The following SLC25A21 variants were observed in gnomAD, a reference collection of about 807,000 sequenced individuals.
SLC25A21 encodes solute carrier family 25 member 21, also known as mitochondrial 2-oxodicarboxylate carrier.
SLC25A21 carries 47 observed loss-of-function variants against 43.8 expected under a neutral mutation model. The ratio of observed to expected loss-of-function variants is 1.07; its 90% CI spans 0.85 to 1.37. The LOEUF (loss-of-function observed/expected upper bound fraction) is 1.37, where lower values mean the gene tolerates loss of function less well. SLC25A21 is among the 40% of genes most tolerant of loss of function. The pLI is 0.00. For missense variants in SLC25A21, 352 were observed against 350.2 expected, an observed-to-expected ratio of 1.00 and a Z score of -0.04; for synonymous variants, 131 against 121.3, an observed-to-expected ratio of 1.08 and a Z score of -0.52.
chr14:37,129,006 T>C (rs1963347497), intron 1 of SLC25A21, among the ~76,000 whole-genome samples: 1 of 152,174 alleles, frequency 6.6e-6, no homozygotes, highest in Admixed American at 6.5e-5. Context: ...AAATTAAAAA[T>C]TCATTTCCTC....
chr14:36,930,365 T>C (rs546438152), intron 1 of SLC25A21, among the ~76,000 whole-genome samples: 1 of 152,294 alleles, frequency 6.6e-6, no homozygotes, highest in African/African-American at 2.4e-5. Context: ...TAATTAATGT[T>C]CGGTATTCCA....
At chr14:37,096,452 G>A (rs1962696310) in intron 1 of SLC25A21, among the ~76,000 whole-genome samples, 1 of 152,100 alleles carries the variant, frequency 6.6e-6, no homozygotes, top group Non-Finnish European at 1.5e-5. Context: ...TGAATAAACT[G>A]TCTACCCTGA....
At chr14:36,985,064 A>C (rs1244620276) in intron 1 of SLC25A21, among the ~76,000 whole-genome samples, 1 of 151,530 alleles carries the variant, frequency 6.6e-6, no homozygotes, top group African/African-American at 2.4e-5. Context: ...TTCTCAGTAA[A>C]CTATCACAAG....
intron 1 of SLC25A21, among the ~76,000 whole-genome samples, chr14:37,156,470 G>T (rs1963852231): frequency 6.6e-6 from 1 of 151,996 alleles, no homozygotes; most frequent in African/African-American, 2.4e-5. Context: ...CCACATAAAT[G>T]ATACAGAACG....
chr14:36,826,042 T>A (rs1224256191), intron 2 of SLC25A21, among the ~76,000 whole-genome samples: 2 of 152,228 alleles, frequency 1.3e-5, no homozygotes, highest in African/African-American at 2.4e-5. Flanking sequence ...TCAAGCCAAC[T>A]AACATTCATT....
intron 3 of SLC25A21, among the ~76,000 whole-genome samples, chr14:36,750,236 G>A (rs1885655596): frequency 6.6e-6 from 1 of 152,092 alleles, no homozygotes; most frequent in African/African-American, 2.4e-5. Context: ...TACCAAAATG[G>A]CTAACCATGG....
intron 1 of SLC25A21, among the ~76,000 whole-genome samples, chr14:37,150,692 T>C (rs1963744354): frequency 1.3e-5 from 2 of 152,220 alleles, no homozygotes; most frequent in African/African-American, 4.8e-5. Context: ...TCTATAGGTC[T>C]GCACAAGTAC....
chr14:36,917,571 G>A (rs113593413), intron 1 of SLC25A21, among the ~76,000 whole-genome samples: 2,676 of 152,150 alleles, frequency 0.018, 69 homozygotes, highest in African/African-American at 0.06. Flanking sequence ...TGGTGCATAG[G>A]AGGCAATTTG....
chr14:36,695,763 C>G (rs1481973822), intron 7 of SLC25A21, among the ~76,000 whole-genome samples: 1 of 152,160 alleles, frequency 6.6e-6, no homozygotes, highest in Non-Finnish European at 1.5e-5. Flanking sequence ...ATTTTGTATC[C>G]TGAGACTTTC....
At chr14:36,782,071 T>C (rs1887084008) in intron 3 of SLC25A21, among the ~76,000 whole-genome samples, 1 of 152,196 alleles carries the variant, frequency 6.6e-6, no homozygotes, top group South Asian at 2.1e-4. Context: ...TCCCCTGGCC[T>C]GCAAGGTTTC....
intron 3 of SLC25A21, among the ~76,000 whole-genome samples, chr14:36,783,559 GCACT>G (rs957244275): frequency 2.0e-5 from 3 of 152,138 alleles, no homozygotes; most frequent in African/African-American, 7.2e-5. Flanking sequence ...GGAGAGCCAG[GCACT>G]CACTCAGTAT....
intron 2 of SLC25A21, among the ~76,000 whole-genome samples, chr14:36,858,511 C>A (rs1889969861): frequency 6.6e-6 from 1 of 152,120 alleles, no homozygotes; most frequent in South Asian, 2.1e-4. Flanking sequence ...AGATTTTCTT[C>A]TGTCTATCGT....
chr14:36,791,664 A>G (rs926785164), intron 3 of SLC25A21, among the ~76,000 whole-genome samples: 1 of 152,224 alleles, frequency 6.6e-6, no homozygotes, highest in African/African-American at 2.4e-5. Flanking sequence ...TATACAATGA[A>G]AGTTTTATTT....
intron 1 of SLC25A21, among the ~76,000 whole-genome samples, chr14:37,024,325 G>C (rs1408550921): frequency 6.6e-6 from 1 of 151,968 alleles, no homozygotes; most frequent in Non-Finnish European, 1.5e-5. Flanking sequence ...CTTGTCAACT[G>C]TCTAATGGTA....
At chr14:37,149,520 C>T (rs1963722702) in intron 1 of SLC25A21, among the ~76,000 whole-genome samples, 1 of 152,036 alleles carries the variant, frequency 6.6e-6, no homozygotes, top group African/African-American at 2.4e-5. Context: ...GAAGCTGAAA[C>T]CCCATCTCTA....
At chr14:36,975,374 A>G (rs1450317220) in intron 1 of SLC25A21, among the ~76,000 whole-genome samples, 1 of 152,224 alleles carries the variant, frequency 6.6e-6, no homozygotes, top group Admixed American at 6.5e-5. Flanking sequence ...ACTTATGGAA[A>G]GATAAAATAA....
At position 36,856,152 on chromosome 14, in the gene SLC25A21, C is replaced by A. The variant is rs1193624418; in HGVS notation, c.119+18804G>T. ...GGGAAAAGCAGGGTGGGGAAGTCGG[C>A]ATCCAATCTGGTGTCTTTGAACACA... On this transcript the variant is annotated intron_variant, in intron 2 of 9. Coordinates refer to ENST00000331299, the MANE Select transcript of SLC25A21 (RefSeq NM_030631.4). 2.0e-5 allele frequency among the ~76,000 whole-genome samples: 3 copies of A among 152,266 alleles called. No individual in the cohort carries two copies. In the East Asian group the frequency reaches 5.8e-4, roughly 29 times the overall value.
chr14:37,108,303 C>G (rs1409208587), intron 1 of SLC25A21, among the ~76,000 whole-genome samples: 1 of 152,140 alleles, frequency 6.6e-6, no homozygotes, highest in African/African-American at 2.4e-5. Flanking sequence ...CATGAGTACA[C>G]AACGCCTTTT....
intron 2 of SLC25A21, among the ~76,000 whole-genome samples, chr14:36,828,932 C>T (rs2138476208): frequency 6.6e-6 from 1 of 152,266 alleles, no homozygotes; most frequent in Admixed American, 6.5e-5. Context: ...AAGAGGGTCT[C>T]ACTATGTTCC....
Sources: allele counts gnomAD v4.1 joint callset (sites outside exome capture counted in the v4.1 genomes callset), GRCh38; gene constraint gnomAD v4.1.1; transcripts MANE v1.5; gene names NCBI Gene and HGNC (gene_info 2026-07-23, HGNC 2026-07-21).